The following ABLIM3 variants were observed in gnomAD, a reference collection of about 807,000 sequenced individuals.
The protein encoded by ABLIM3 is actin-binding LIM protein 3.
ABLIM3 carries 61 observed loss-of-function variants against 109.5 expected under a neutral mutation model. The observed-to-expected ratio is 0.56, with a 90% confidence interval of 0.45 to 0.69. The LOEUF is 0.69. Ranked by LOEUF, ABLIM3 falls within the 30% of genes least tolerant of loss-of-function variation. The pLI is 0.00. For synonymous variants in ABLIM3, 300 were observed against 324.8 expected (o/e 0.92, Z 0.82); for missense variants, 796 against 889.5 (o/e 0.89, Z 1.34).
At chr5:149,245,071 G>C in intron 16 of ABLIM3, 56 bp downstream of exon 16, 5 of 1,606,964 alleles carry the variant, frequency 3.1e-6, no homozygotes, top group Non-Finnish European at 4.3e-6. Flanking sequence ...CCAAGGACAC[G>C]GGTGTTCAGA....
At chr5:149,156,354 G>A (rs968333727) in intron 2 of ABLIM3, among the ~76,000 whole-genome samples, 1 of 152,228 alleles carries the variant, frequency 6.6e-6, no homozygotes, top group African/African-American at 2.4e-5. Flanking sequence ...AGATGGGGAT[G>A]ATAGGTGAAC....
At chr5:149,156,438 A>G (rs79907179) in intron 2 of ABLIM3, among the ~76,000 whole-genome samples, 11,378 of 152,296 alleles carry the variant, frequency 0.075, 447 homozygotes, top group South Asian at 0.11. Context: ...AATGATTAAT[A>G]GTGATAAGTA....
chr5:149,201,500 G>A (rs10463419), intron 5 of ABLIM3, among the ~76,000 whole-genome samples: 22 of 151,842 alleles, frequency 1.4e-4, no homozygotes, highest in African/African-American at 5.3e-4. Context: ...GGGGCTCCCC[G>A]GGAGTCCATC....
intron 3 of ABLIM3, among the ~76,000 whole-genome samples, chr5:149,191,868 A>AT (rs1339224835): frequency 6.6e-6 from 1 of 152,082 alleles, no homozygotes; most frequent in African/African-American, 2.4e-5. Flanking sequence ...TTTTATTTTT[A>AT]TTTTTTTGAG....
chr5:149,238,174 G>A (rs892723927), intron 11 of ABLIM3, among the ~76,000 whole-genome samples: 12 of 152,162 alleles, frequency 7.9e-5, no homozygotes, highest in African/African-American at 2.7e-4. Flanking sequence ...TCATTAAATG[G>A]TTGCTAAACA....
chr5:149,169,388 G>T (rs1392493098), intron 2 of ABLIM3, among the ~76,000 whole-genome samples: 3 of 152,060 alleles, frequency 2.0e-5, no homozygotes, highest in Non-Finnish European at 4.4e-5. Flanking sequence ...TGCAGTTCCA[G>T]CATCACATGT....
chr5:149,240,924 C>T (rs1041375131), intron 14 of ABLIM3, 150 bp downstream of exon 14: 5 of 687,988 alleles, frequency 7.3e-6, no homozygotes, highest in Admixed American at 2.3e-5. Flanking sequence ...CCCTGTCCTC[C>T]AACCCCAACA....
At chr5:149,225,471 A>G (rs1338060574) in intron 8 of ABLIM3, among the ~76,000 whole-genome samples, 3 of 152,234 alleles carry the variant, frequency 2.0e-5, no homozygotes, top group Non-Finnish European at 4.4e-5. Flanking sequence ...TCATCCGTAT[A>G]ATAGCAGGTA....
At chr5:149,224,799 T>C (rs1046898015) in intron 8 of ABLIM3, among the ~76,000 whole-genome samples, 3 of 152,158 alleles carry the variant, frequency 2.0e-5, no homozygotes, top group African/African-American at 7.2e-5. Flanking sequence ...AAACCAAACC[T>C]ATGAGGCAGA....
At chr5:149,160,972 G>C (rs112077666) in intron 2 of ABLIM3, among the ~76,000 whole-genome samples, 1 of 152,044 alleles carries the variant, frequency 6.6e-6, no homozygotes, top group Non-Finnish European at 1.5e-5. Context: ...CCCATCTCTC[G>C]GCCAGCCATG....
intron 2 of ABLIM3, among the ~76,000 whole-genome samples, chr5:149,182,793 A>T (rs931058601): frequency 2.6e-5 from 4 of 152,118 alleles, no homozygotes; most frequent in African/African-American, 9.7e-5. Flanking sequence ...CTCCACCAGC[A>T]TTTTTTTCTT....
At chr5:149,249,602 A>T (rs1430894781) in intron 18 of ABLIM3, among the ~76,000 whole-genome samples, 1 of 152,236 alleles carries the variant, frequency 6.6e-6, no homozygotes, top group African/African-American at 2.4e-5. Flanking sequence ...GCCCTGTGCC[A>T]GGTGCCAGGC....
At chr5:149,155,845 G>A (rs1487420560) in intron 2 of ABLIM3, among the ~76,000 whole-genome samples, 1 of 152,222 alleles carries the variant, frequency 6.6e-6, no homozygotes, top group Non-Finnish European at 1.5e-5. Context: ...CTTTGAGAGG[G>A]TCAGATGCCA....
intron 16 of ABLIM3, among the ~76,000 whole-genome samples, chr5:149,245,603 A>T (rs890877179): frequency 6.6e-6 from 1 of 152,198 alleles, no homozygotes; most frequent in African/African-American, 2.4e-5. Flanking sequence ...AAGTAGTGGC[A>T]TGATCACATT....
chr5:149,211,817 C>G (rs1759584388), intron 7 of ABLIM3, among the ~76,000 whole-genome samples: 1 of 152,004 alleles, frequency 6.6e-6, no homozygotes, highest in South Asian at 2.1e-4. Context: ...CTGAAGGGCC[C>G]TGAGGTGGGA....
In ABLIM3 at chr5:149,259,891, ATGT is replaced by A. The variant is rs1328043749; in HGVS notation, c.*1490_*1492del. 5 of 371,902 alleles carry A rather than the reference ATGT, an allele frequency of 1.3e-5. No homozygotes were observed. Among genetic ancestry groups the A allele is most frequent in the Non-Finnish European group, 2.5e-5 (5 of 197,816 alleles). 23.0% of individuals were successfully genotyped at this position (371,902 alleles called of 1,614,324 possible). Reference sequence around the variant, plus strand: ...AACAAACCCTCACTGAGCACCTCTGATGTTGAGCACCTGCTGAATACTGAGCAC... The same window carrying A: ...AACAAACCCTCACTGAGCACCTCTGATGAGCACCTGCTGAATACTGAGCAC... On this transcript the variant is annotated 3_prime_UTR_variant, in exon 24 of 24. Coordinates refer to ENST00000309868, the MANE Select transcript of ABLIM3 (RefSeq NM_014945.5).
intron 2 of ABLIM3, among the ~76,000 whole-genome samples, chr5:149,162,343 G>A (rs1754448821): frequency 6.6e-6 from 1 of 152,114 alleles, no homozygotes; most frequent in Admixed American, 6.6e-5. Flanking sequence ...AGTTCATTGT[G>A]GGTCTAGTGT....
chr5:149,209,302 C>T (rs1029372271), intron 6 of ABLIM3, among the ~76,000 whole-genome samples: 10 of 152,228 alleles, frequency 6.6e-5, no homozygotes, highest in African/African-American at 2.4e-4. Context: ...CTCTGGGCCC[C>T]TTACCTGGCT....
Position 149,185,033 on chromosome 5 carries a change from G to A in ABLIM3, c.151+1444G>A, listed in dbSNP as rs146842238. Among the ~76,000 whole-genome samples, 40 of 152,186 alleles carry A rather than the reference G, an allele frequency of 2.6e-4. 2 individuals carry two copies. In the East Asian group the frequency reaches 7.1e-3, roughly 27 times the overall value. On this transcript the variant is annotated intron_variant, in intron 3 of 23. Transcript: ENST00000309868. ...TTTTTACACCCTCTGAAATTGAGGCGGGACGAAGGGTAAAGACAAGGAAAT... is the reference window on the plus strand; with the variant it reads ...TTTTTACACCCTCTGAAATTGAGGCAGGACGAAGGGTAAAGACAAGGAAAT...
Sources: gnomAD v4.1 joint callset for allele counts (sites outside exome capture counted in the v4.1 genomes callset) on GRCh38, gnomAD v4.1.1 for gene constraint, MANE v1.5 for transcripts, NCBI Gene and HGNC (gene_info 2026-07-23, HGNC 2026-07-21) for gene names.